Variants in PKP3 observed in about 807,000 individuals in gnomAD.
PKP3 encodes plakophilin-3.
PKP3 carries 66 observed loss-of-function variants against 76.5 expected under a neutral mutation model. The ratio of observed to expected loss-of-function variants is 0.86; its 90% CI spans 0.71 to 1.06. The LOEUF is 1.06. Among genes scored for constraint, PKP3 ranks in the 50% least tolerant of loss-of-function variants. The probability of loss-of-function intolerance (pLI) is 0.00; values close to 1 mark genes in which losing one functional copy is unlikely to be tolerated. For missense variants in PKP3, 1,338 were observed against 1,141.0 expected, an observed-to-expected ratio of 1.17 and a Z score of -2.49; for synonymous variants, 638 against 516.5, an observed-to-expected ratio of 1.24 and a Z score of -3.19.
Position 400,085 on chromosome 11 carries a change from C to G in PKP3, c.1392C>G (p.Leu464=). ...SPLSGAGGPP[L]IQQNASEAEI... ...TGTCGGGGGCTGGGGGTCCCCCCCT[C>G]ATCCAGCAGAACGCCTCGGAGGCAG... Residue 464 remains leucine (L), a synonymous_variant, in exon 6 of 13, where the codon CTC becomes CTG. Coordinates refer to ENST00000331563, the MANE Select transcript of PKP3 (RefSeq NM_007183.4). The G allele has an allele frequency of 6.3e-7, 1 of 1,597,898 alleles. No homozygotes were observed. The highest frequency in any genetic ancestry group is 8.5e-7 in the Non-Finnish European group (1 of 1,175,318).
intron 7 of PKP3, 26 bp downstream of exon 7, chr11:400,477 G>A (rs1191110729): frequency 6.6e-7 from 1 of 1,522,108 alleles, no homozygotes; most frequent in Non-Finnish European, 8.8e-7. Flanking sequence ...TGGAGGAGGG[G>A]CCGTGCCCCC....
chr11:398,869 C>T (rs1287765768), intron 4 of PKP3, 123 bp from the exon 5 acceptor site: 6 of 796,444 alleles, frequency 7.5e-6, no homozygotes, highest in Non-Finnish European at 4.0e-6. Flanking sequence ...ACCTCCGTCA[C>T]CTCCCTATAC....
Position 397,082 on chromosome 11 carries a change from G to A in PKP3, c.581G>A (p.Arg194His), listed in dbSNP as rs200013020. The change falls in exon 3 of 13, where the codon CGC (arginine) becomes CAC (histidine). Residue 194 changes from arginine (R) to histidine (H), a missense_variant. Transcript: ENST00000331563. The stretch of plus-strand genomic sequence containing the variant: ...CTGGGGCCCGGGGGCCTGGACGACC[G>A]CTACAGCCTGGTGTCTGAGCAGCTG... ...LRLGPGGLDD[R>H]YSLVSEQLEP... 3.6e-5 allele frequency: 57 copies of A among 1,598,386 alleles called. No homozygotes were observed. Among genetic ancestry groups the A allele is most frequent in the East Asian group, 2.2e-4 (10 of 44,860 alleles).
chr11:395,411 G>A (rs373032622), intron 1 of PKP3, among the ~76,000 whole-genome samples: 2 of 152,216 alleles, frequency 1.3e-5, no homozygotes, highest in South Asian at 2.1e-4. Context: ...GGGCCGGCCC[G>A]GCGGCCTGGA....
chr11:403,037 CGCTCA>C, intron 8 of PKP3, 36 bp from the exon 9 acceptor site: 13 of 969,040 alleles, frequency 1.3e-5, no homozygotes, highest in African/African-American at 7.2e-5. Context: ...CACCCCGACC[CGCTCA>C]CCCCGACCCC....
At chr11:400,746 A>G in intron 8 of PKP3, 41 bp downstream of exon 8, 1 of 1,112,684 alleles carries the variant, frequency 9.0e-7, no homozygotes, top group South Asian at 4.0e-5. Flanking sequence ...GGGTGCTGCG[A>G]CCCCGGCCCC....
At chr11:394,133 C>A (rs1847010819), upstream of PKP3, 2 of 1,180,656 alleles carry the variant, frequency 1.7e-6, no homozygotes, top group East Asian at 3.3e-5. Flanking sequence ...GGTGTCCCCG[C>A]CCCCAGCTGC....
Position 403,931 on chromosome 11 carries a change from G to A in PKP3, c.2078-12G>A, listed in dbSNP as rs373204749. The A allele has an allele frequency of 3.7e-5, 59 of 1,586,258 alleles. No homozygotes were observed. The highest frequency in any genetic ancestry group is 1.8e-4 in the East Asian group (8 of 44,396). On this transcript the variant is annotated splice_polypyrimidine_tract_variant and intron_variant, in intron 10 of 12. Coordinates refer to ENST00000331563, the MANE Select transcript of PKP3 (RefSeq NM_007183.4). ...GGAGTAGGGGTGCAGACTGACCCCC[G>A]GCCTCCCACAGCCACGAAGGTGGTG... is the stretch of plus-strand genomic sequence containing the variant.
intron 9 of PKP3, 115 bp downstream of exon 9, chr11:403,378 C>G (rs1366341969): frequency 1.1e-6 from 1 of 950,558 alleles, no homozygotes; most frequent in Non-Finnish European, 1.5e-6. Context: ...CGCGGAGCCT[C>G]GGAGGTCAGC....
rs773856095 is a variant in PKP3, at chr11:403,286, G to A, written c.1923+23G>A. 17 of 1,543,336 alleles carry A rather than the reference G, an allele frequency of 1.1e-5. No homozygotes were observed. In the East Asian group the frequency reaches 3.1e-4, roughly 28 times the overall value. On this transcript the variant is annotated intron_variant, in intron 9 of 12. Transcript: ENST00000331563. Reference sequence around the variant, plus strand: ...AGGGTGGGGCACCCAACCCAGACCCGAGGGGGTCCCAGGGGTTCATGCGGT... The same window carrying A: ...AGGGTGGGGCACCCAACCCAGACCCAAGGGGGTCCCAGGGGTTCATGCGGT...
Position 403,929 on chromosome 11 carries a change from C to A in PKP3, c.2078-14C>A. The stretch of plus-strand genomic sequence containing the variant: ...CAGGAGTAGGGGTGCAGACTGACCC[C>A]CGGCCTCCCACAGCCACGAAGGTGG... On this transcript the variant is annotated splice_polypyrimidine_tract_variant and intron_variant, in intron 10 of 12. Transcript: ENST00000331563. 1 of 1,585,206 alleles carries A rather than the reference C, an allele frequency of 6.3e-7. No homozygotes were observed. Among genetic ancestry groups the A allele is most frequent in the Non-Finnish European group, 8.6e-7 (1 of 1,163,482 alleles).
At position 400,628 on chromosome 11, in the gene PKP3, G is replaced by GGTCGCT; in HGVS notation, c.1661_1662insTCGCTG (p.Arg555_Arg556insCysArg). 7.1e-7 allele frequency: 1 copy of GGTCGCT among 1,410,244 alleles called. No individual in the cohort carries two copies. The highest frequency in any genetic ancestry group is 9.2e-7 in the Non-Finnish European group (1 of 1,091,194). The allele number at this position is 1,410,244 out of a possible 1,614,324, so 87.4% of individuals were successfully genotyped here. On this transcript the variant is annotated inframe_insertion, in exon 8 of 13. Transcript: ENST00000331563. ...CGCGCTGCAGCGGCTGGAGGGTCGC[G>GGTCGCT]GCCGCAGGGACCTGGCGGGGGCGCC... is the stretch of plus-strand genomic sequence containing the variant.
chr11:403,820 T>C (rs753573312), intron 10 of PKP3, 49 bp downstream of exon 10: 1 of 1,598,840 alleles, frequency 6.3e-7, no homozygotes. Context: ...CACATGTCAA[T>C]TTTGTCTTTA....
chr11:399,077 T>C lies in PKP3; in HGVS notation c.1154T>C (p.Met385Thr), dbSNP rs1367852187. The change falls in exon 5 of 13, where the codon ATG (methionine) becomes ACG (threonine). Residue 385 changes from methionine (M) to threonine (T), a missense_variant. Physicochemically the swap from Met to Thr is moderately conservative, Grantham distance 81. Coordinates refer to ENST00000331563, the MANE Select transcript of PKP3 (RefSeq NM_007183.4). ...QEVQRHATGA[M>T]RNLIYDNADN... is the part of the protein sequence containing the mutation. ...GTGCAGCGCCATGCCACAGGTGCCATGCGCAACCTCATCTACGACAACGCT... is the reference window on the plus strand; with the variant it reads ...GTGCAGCGCCATGCCACAGGTGCCACGCGCAACCTCATCTACGACAACGCT... The C allele has an allele frequency of 2.5e-6, 4 of 1,611,700 alleles. No homozygotes were observed. Among genetic ancestry groups the C allele is most frequent in the East Asian group, 4.5e-5 (2 of 44,854 alleles).
Position 400,680 on chromosome 11 carries a change from C to G in PKP3, c.1712C>G (p.Thr571Arg), listed in dbSNP as rs951345704. Residue 571 changes from threonine (T) to arginine (R), a missense_variant, in exon 8 of 13, where the codon ACG becomes AGG. Coordinates refer to ENST00000331563, the MANE Select transcript of PKP3 (RefSeq NM_007183.4). ...CCGGGAGAGGTCGTGGGCTGCTTCACGCCGCAGAGCCGGCGGCTGCGCGAG... is the reference window on the plus strand; with the variant it reads ...CCGGGAGAGGTCGTGGGCTGCTTCAGGCCGCAGAGCCGGCGGCTGCGCGAG... Reference protein sequence around the residue: ...APPGEVVGCFTPQSRRLRELP... With the variant: ...APPGEVVGCFRPQSRRLRELP... 7.7e-6 allele frequency: 10 copies of G among 1,295,694 alleles called. No homozygotes were observed. Among genetic ancestry groups the G allele is most frequent in the Non-Finnish European group, 9.8e-6 (10 of 1,021,102 alleles). The allele number at this position is 1,295,694 out of a possible 1,614,324, so 80.3% of individuals were successfully genotyped here. A position where few individuals can be genotyped will look rare whatever the true frequency, so the allele number is the denominator to read the frequency against.
rs1847146925 is a variant in PKP3 at position 400,842 on chromosome 11, G to GCTCACACCCGA, written c.1737+138_1737+139insTCACACCCGAC. 23 of 164,844 alleles carry GCTCACACCCGA rather than the reference G, an allele frequency of 1.4e-4. 4 individuals are homozygous for GCTCACACCCGA. Among genetic ancestry groups the GCTCACACCCGA allele is most frequent in the Non-Finnish European group, 2.5e-5 (3 of 120,332 alleles). The allele number at this position is 164,844 out of a possible 1,614,324, so 10.2% of individuals were successfully genotyped here. A position where few individuals can be genotyped will look rare whatever the true frequency, so the allele number is the denominator to read the frequency against. On this transcript the variant is annotated intron_variant, in intron 8 of 12. Transcript: ENST00000331563. Reference sequence around the variant, plus strand: ...CTCACCCCGGACCCCGCTCACCCCCGCCCCGCTCACCCCCGACCCCGCTCA... The same window carrying GCTCACACCCGA: ...CTCACCCCGGACCCCGCTCACCCCCGCTCACACCCGACCCCGCTCACCCCCGACCCCGCTCA...
At chr11:400,183 G>A (rs781587380) in intron 6 of PKP3, 42 bp downstream of exon 6, 1 of 1,475,964 alleles carries the variant, frequency 6.8e-7, no homozygotes, top group Non-Finnish European at 9.0e-7. Context: ...TGCAGGCGCG[G>A]GTCACTGTGG....
chr11:403,063 C>G lies in PKP3; in HGVS notation c.1738-15C>G. 1 of 1,450,540 alleles carries G rather than the reference C, an allele frequency of 6.9e-7. No homozygotes were observed. The highest frequency in any genetic ancestry group is 9.1e-7 in the Non-Finnish European group (1 of 1,104,078). 89.9% of individuals were successfully genotyped at this position (1,450,540 alleles called of 1,614,324 possible). A position where few individuals can be genotyped will look rare whatever the true frequency, so the allele number is the denominator to read the frequency against. On this transcript the variant is annotated splice_polypyrimidine_tract_variant and intron_variant, in intron 8 of 12. Coordinates refer to ENST00000331563, the MANE Select transcript of PKP3 (RefSeq NM_007183.4). ...GCTCACCCCGACCCCGCCGACTCCT[C>G]CCCGCCCTGCGCAGCTGCCCCTCGC... is the stretch of plus-strand genomic sequence containing the variant.
At chr11:403,910 T>C in intron 10 of PKP3, 33 bp from the exon 11 acceptor site, 1 of 1,573,074 alleles carries the variant, frequency 6.4e-7, no homozygotes, top group Non-Finnish European at 8.6e-7. Flanking sequence ...TGGCCAGGAG[T>C]AGGGGTGCAG....
Sources: gnomAD v4.1 joint callset for allele counts (sites outside exome capture counted in the v4.1 genomes callset) on GRCh38, gnomAD v4.1.1 for gene constraint, MANE v1.5 for transcripts, NCBI Gene and HGNC (gene_info 2026-07-23, HGNC 2026-07-21) for gene names.